TM4SF4: variants seen among roughly 807,000 people sequenced by gnomAD.
The protein encoded by TM4SF4 is transmembrane 4 L6 family member 4.
In TM4SF4, 24 loss-of-function variants were observed where a neutral mutation model predicts 24.1. That is an observed-to-expected ratio of 1.00 (90% CI 0.72 to 1.40). The LOEUF (loss-of-function observed/expected upper bound fraction) is 1.40, where lower values mean the gene tolerates loss of function less well. Among genes scored for constraint, TM4SF4 ranks in the 40% most tolerant of loss-of-function variants. The pLI, the probability that TM4SF4 is intolerant of heterozygous loss-of-function variation, is 0.00. For synonymous variants in TM4SF4, 113 were observed against 97.0 expected (o/e 1.17, Z -0.97); for missense variants, 254 against 254.2 (o/e 1.00, Z 0.01).
At chr3:149,485,082 TGATA>T (rs1734093406) in intron 2 of TM4SF4, among the ~76,000 whole-genome samples, 1 of 152,226 alleles carries the variant, frequency 6.6e-6, no homozygotes, top group Non-Finnish European at 1.5e-5. Context: ...CATTATTACC[TGATA>T]GATGAAATAA....
chr3:149,475,729 C>T lies in TM4SF4; in HGVS notation c.175-94C>T, dbSNP rs142348280. 7.5e-5 allele frequency: 80 copies of T among 1,066,246 alleles called. No homozygotes were observed. In the African/African-American group the frequency reaches 1.2e-3, roughly 16 times the overall value. The allele number at this position is 1,066,246 out of a possible 1,614,324, so 66.0% of individuals were successfully genotyped here. On this transcript the variant is annotated intron_variant, in intron 1 of 4. Coordinates refer to ENST00000305354, the MANE Select transcript of TM4SF4 (RefSeq NM_004617.4). The stretch of plus-strand genomic sequence containing the variant: ...GCCATTCCCTTTGGGCCTCCAAATC[C>T]CTCATTGTGGATGGGGCTCCTTATA...
At chr3:149,482,058 G>A (rs1465299706) in intron 2 of TM4SF4, among the ~76,000 whole-genome samples, 1 of 152,218 alleles carries the variant, frequency 6.6e-6, no homozygotes, top group Non-Finnish European at 1.5e-5. Context: ...TGTCCTATCA[G>A]TGAGGCACTG....
chr3:149,500,326 T>C (rs1734395573), intron 4 of TM4SF4, among the ~76,000 whole-genome samples: 1 of 152,008 alleles, frequency 6.6e-6, no homozygotes, highest in Non-Finnish European at 1.5e-5. Context: ...CTGACTTTTT[T>C]CCTTTAATCT....
At chr3:149,498,332 C>G (rs1222674045) in intron 3 of TM4SF4, among the ~76,000 whole-genome samples, 6 of 152,198 alleles carry the variant, frequency 3.9e-5, no homozygotes, top group African/African-American at 1.4e-4. Flanking sequence ...CTCTATTTTC[C>G]TGTCCCCATC....
At chr3:149,491,834 C>A (rs1006064035) in intron 3 of TM4SF4, among the ~76,000 whole-genome samples, 5 of 152,098 alleles carry the variant, frequency 3.3e-5, no homozygotes, top group Non-Finnish European at 1.5e-5. Context: ...AGGAGAAGCA[C>A]ATTTCAGGCA....
At chr3:149,492,980 T>C (rs924059763) in intron 3 of TM4SF4, among the ~76,000 whole-genome samples, 18 of 152,204 alleles carry the variant, frequency 1.2e-4, no homozygotes, top group African/African-American at 4.1e-4. Context: ...CTCTGCCATA[T>C]ACCATTTATC....
chr3:149,500,411 T>C (rs1295493032), intron 4 of TM4SF4, among the ~76,000 whole-genome samples: 1 of 152,052 alleles, frequency 6.6e-6, no homozygotes, highest in East Asian at 1.9e-4. Flanking sequence ...GTCCCCCAAA[T>C]CAGCAGTAAA....
At chr3:149,486,183 T>C (rs1020095894) in intron 2 of TM4SF4, among the ~76,000 whole-genome samples, 6 of 152,200 alleles carry the variant, frequency 3.9e-5, no homozygotes, top group Non-Finnish European at 8.8e-5. Flanking sequence ...ATGATAATAT[T>C]GTTAATAACA....
intron 2 of TM4SF4, among the ~76,000 whole-genome samples, chr3:149,479,454 C>T (rs1329014400): frequency 1.3e-5 from 2 of 151,684 alleles, no homozygotes; most frequent in Non-Finnish European, 2.9e-5. Flanking sequence ...TCAAGCAATC[C>T]TCCCCACTCA....
rs567816310 is a variant in TM4SF4 at position 149,496,357 on chromosome 3, G to A, written c.402-2365G>A. Among the ~76,000 whole-genome samples the A allele has an allele frequency of 3.3e-5, 5 of 152,026 alleles. No homozygotes were observed. The South Asian group carries it at 8.3e-4, about 25-fold the overall frequency. On this transcript the variant is annotated intron_variant, in intron 3 of 4. Transcript: ENST00000305354. ...CCCAAGTAGGTGGGATTATAGGTGCGTGTCCCCACACCTGGCTAGGTTATT... is the reference window on the plus strand; with the variant it reads ...CCCAAGTAGGTGGGATTATAGGTGCATGTCCCCACACCTGGCTAGGTTATT...
At chr3:149,485,359 C>A (rs1263855885) in intron 2 of TM4SF4, among the ~76,000 whole-genome samples, 1 of 152,204 alleles carries the variant, frequency 6.6e-6, no homozygotes, top group Non-Finnish European at 1.5e-5. Context: ...TGTTCACTTA[C>A]TTCTGACCTA....
rs1386147479 is a variant in TM4SF4 at position 149,482,764 on chromosome 3, G to A, written c.265-4855G>A. ...TCACCATTTTGGCCAGGCTGGTCTC[G>A]AACTCCTGGGCTCAAGCGGTCTGCC... On this transcript the variant is annotated intron_variant, in intron 2 of 4. Coordinates refer to ENST00000305354, the MANE Select transcript of TM4SF4 (RefSeq NM_004617.4). 2.6e-5 allele frequency among the ~76,000 whole-genome samples: 4 copies of A among 152,074 alleles called. 1 individual carries two copies. The highest frequency in any genetic ancestry group is 9.7e-5 in the African/African-American group (4 of 41,406).
At chr3:149,490,321 T>C (rs1734188483) in intron 3 of TM4SF4, among the ~76,000 whole-genome samples, 2 of 152,258 alleles carry the variant, frequency 1.3e-5, no homozygotes, top group African/African-American at 4.8e-5. Context: ...ATCTTCCCTC[T>C]AACTGCAGAA....
intron 4 of TM4SF4, 140 bp downstream of exon 4, chr3:149,499,051 T>A: frequency 1.2e-6 from 1 of 811,022 alleles, no homozygotes; most frequent in Non-Finnish European, 1.9e-6. Flanking sequence ...CCAGCCCAGG[T>A]TGGGAAGCCC....
intron 2 of TM4SF4, among the ~76,000 whole-genome samples, chr3:149,481,216 G>A (rs1206489279): frequency 6.6e-6 from 1 of 152,172 alleles, no homozygotes; most frequent in Non-Finnish European, 1.5e-5. Flanking sequence ...GATCCTGGCA[G>A]TTACTGTCTC....
chr3:149,501,222 G>A (rs183417388), intron 4 of TM4SF4, among the ~76,000 whole-genome samples: 8 of 152,202 alleles, frequency 5.3e-5, no homozygotes, highest in South Asian at 2.1e-4. Context: ...TGAGTCACTC[G>A]ATAGGTTGAA....
chr3:149,496,214 T>G (rs1195203442), intron 3 of TM4SF4, among the ~76,000 whole-genome samples: 1 of 151,988 alleles, frequency 6.6e-6, no homozygotes, highest in Non-Finnish European at 1.5e-5. Context: ...TACTAGGTTG[T>G]TTGTTTGTTT....
chr3:149,502,216 T>A (rs1734441122), intron 4 of TM4SF4, among the ~76,000 whole-genome samples: 1 of 152,126 alleles, frequency 6.6e-6, no homozygotes, highest in African/African-American at 2.4e-5. Flanking sequence ...TAGCACTTGG[T>A]CTCTCAGCAC....
intron 2 of TM4SF4, among the ~76,000 whole-genome samples, chr3:149,481,882 G>A (rs1022699259): frequency 4.6e-5 from 7 of 152,232 alleles, no homozygotes; most frequent in East Asian, 3.8e-4. Flanking sequence ...GAATTAGCCC[G>A]TTGAATTTTT....
Sources: allele counts gnomAD v4.1 joint callset (sites outside exome capture counted in the v4.1 genomes callset), GRCh38; gene constraint gnomAD v4.1.1; transcripts MANE v1.5; gene names NCBI Gene and HGNC (gene_info 2026-07-23, HGNC 2026-07-21).